CTNNA3: variants seen among roughly 807,000 people sequenced by gnomAD.
CTNNA3 encodes the protein catenin alpha-3.
CTNNA3 carries 76 observed loss-of-function variants against 95.7 expected under a neutral mutation model. That is an observed-to-expected ratio of 0.79 (90% CI 0.66 to 0.96). The LOEUF (loss-of-function observed/expected upper bound fraction) is 0.96, where lower values mean the gene tolerates loss of function less well. CTNNA3 is among the 40% of genes least tolerant of loss of function. CTNNA3 has a pLI of 0.00. For missense variants in CTNNA3, 1,191 were observed against 1,089.8 expected (o/e 1.09, Z -1.31); for synonymous variants, 431 against 374.4 (o/e 1.15, Z -1.74).
chr10:67,016,376 T>G (rs1175460610), intron 7 of CTNNA3, among the ~76,000 whole-genome samples: 1 of 146,796 alleles, frequency 6.8e-6, no homozygotes, highest in Non-Finnish European at 1.5e-5. Flanking sequence ...TCGTTTCTTT[T>G]TGTTTGTTTG....
Position 65,959,325 on chromosome 10 carries a change from G to A in CTNNA3, c.2400+7287C>T, listed in dbSNP as rs541710882. On this transcript the variant is annotated intron_variant, in intron 17 of 17. Coordinates refer to ENST00000433211, the MANE Select transcript of CTNNA3 (RefSeq NM_013266.4). Reference sequence around the variant, plus strand: ...CCTTGGCTAGGAAAGGGAATTCCCCGACCCCTTGTGCTTCCTGGGTGAGGC... The same window carrying A: ...CCTTGGCTAGGAAAGGGAATTCCCCAACCCCTTGTGCTTCCTGGGTGAGGC... Among the ~76,000 whole-genome samples, 20 of 152,194 alleles carry A rather than the reference G, an allele frequency of 1.3e-4. No individual in the cohort carries two copies. The East Asian group carries it at 1.7e-3, about 13-fold the overall frequency.
intron 7 of CTNNA3, among the ~76,000 whole-genome samples, chr10:66,879,565 A>T (rs1205199655): frequency 6.6e-6 from 1 of 152,126 alleles, no homozygotes; most frequent in African/African-American, 2.4e-5. Context: ...AAGAGTATAT[A>T]TAGCACCTGT....
chr10:66,240,447 A>T (rs1474482230), intron 13 of CTNNA3, among the ~76,000 whole-genome samples: 1 of 152,154 alleles, frequency 6.6e-6, no homozygotes, highest in Non-Finnish European at 1.5e-5. Context: ...GACAAAACAA[A>T]TAATAGTCTT....
intron 9 of CTNNA3, among the ~76,000 whole-genome samples, chr10:66,688,806 T>TAA (rs773384742): frequency 6.9e-6 from 1 of 145,334 alleles, no homozygotes; most frequent in African/African-American, 2.6e-5. Context: ...CCGTCTCTAC[T>TAA]AAAAAATACA....
Position 66,480,951 on chromosome 10 carries a change from T to A in CTNNA3, c.1531+39666A>T, listed in dbSNP as rs923547710. On this transcript the variant is annotated intron_variant, in intron 11 of 17. Coordinates refer to ENST00000433211, the MANE Select transcript of CTNNA3 (RefSeq NM_013266.4). Reference sequence around the variant, plus strand: ...ACTTAAGTATTATTGCAGAGGCATGTCATAACCTTTGAATTTCATACTAAT... The same window carrying A: ...ACTTAAGTATTATTGCAGAGGCATGACATAACCTTTGAATTTCATACTAAT... 2.6e-5 allele frequency among the ~76,000 whole-genome samples: 4 copies of A among 152,300 alleles called. No homozygotes were observed. In the East Asian group the frequency reaches 7.7e-4, roughly 29 times the overall value.
At position 66,647,744 on chromosome 10, in the gene CTNNA3, C is replaced by G. The variant is rs537168749; in HGVS notation, c.1282-25960G>C. Among the ~76,000 whole-genome samples, 21 of 151,450 alleles carry G rather than the reference C, an allele frequency of 1.4e-4. 1 individual carries two copies. The highest frequency in any genetic ancestry group is 2.4e-4 in the Non-Finnish European group (16 of 67,942). ...CCTTGTTAGCCAGGATGGTCTCGATCTTCTGACCTCGTGATCCACCCGCCT... is the reference window on the plus strand; with the variant it reads ...CCTTGTTAGCCAGGATGGTCTCGATGTTCTGACCTCGTGATCCACCCGCCT... On this transcript the variant is annotated intron_variant, in intron 9 of 17. Coordinates refer to ENST00000433211, the MANE Select transcript of CTNNA3 (RefSeq NM_013266.4).
intron 5 of CTNNA3, among the ~76,000 whole-genome samples, chr10:67,262,169 T>C (rs1866643836): frequency 6.6e-6 from 1 of 152,200 alleles, no homozygotes; most frequent in African/African-American, 2.4e-5. Context: ...TAATTATTAT[T>C]ATAAGCCACA....
At chr10:66,814,848 A>G (rs1426538586) in intron 7 of CTNNA3, among the ~76,000 whole-genome samples, 1 of 128,226 alleles carries the variant, frequency 7.8e-6, no homozygotes, top group Non-Finnish European at 1.6e-5. Context: ...AAAAGTTAGC[A>G]TTCTTTTTTT....
intron 7 of CTNNA3, among the ~76,000 whole-genome samples, chr10:67,040,220 T>C (rs572514329): frequency 6.6e-6 from 1 of 152,246 alleles, no homozygotes; most frequent in Admixed American, 6.5e-5. Flanking sequence ...GTGTTCTCTG[T>C]GAACTTGACA....
chr10:66,427,918 T>G (rs2093257002), intron 11 of CTNNA3, among the ~76,000 whole-genome samples: 1 of 152,056 alleles, frequency 6.6e-6, no homozygotes, highest in African/African-American at 2.4e-5. Flanking sequence ...ACCTTAAACG[T>G]AAATGGACTA....
intron 9 of CTNNA3, among the ~76,000 whole-genome samples, chr10:66,712,913 T>C (rs1315467445): frequency 6.6e-6 from 1 of 152,170 alleles, no homozygotes; most frequent in Non-Finnish European, 1.5e-5. Context: ...CATATGCCTA[T>C]ACTTATTTCC....
chr10:67,601,159 T>C (rs1843071855), intron 3 of CTNNA3, among the ~76,000 whole-genome samples: 1 of 152,220 alleles, frequency 6.6e-6, no homozygotes, highest in Non-Finnish European at 1.5e-5. Flanking sequence ...GTATATATGT[T>C]ATTCTTCAAT....
chr10:66,510,664 T>A (rs528915132), intron 11 of CTNNA3, among the ~76,000 whole-genome samples: 27 of 151,996 alleles, frequency 1.8e-4, no homozygotes, highest in Middle Eastern at 3.4e-3. Flanking sequence ...GTTTTTAAAA[T>A]TTTATATTGT....
chr10:66,597,010 C>T (rs1225620928), intron 10 of CTNNA3, among the ~76,000 whole-genome samples: 1 of 151,254 alleles, frequency 6.6e-6, no homozygotes, highest in Non-Finnish European at 1.5e-5. Context: ...AAGAACAAGA[C>T]AAATTCAGCA....
chr10:66,664,669 G>T (rs762035735), intron 9 of CTNNA3, among the ~76,000 whole-genome samples: 46 of 151,730 alleles, frequency 3.0e-4, no homozygotes, highest in Non-Finnish European at 4.9e-4. Context: ...ACTCTTCCTG[G>T]TAGGGAGCAG....
At chr10:66,962,724 T>C (rs1224476732) in intron 7 of CTNNA3, among the ~76,000 whole-genome samples, 2 of 152,086 alleles carry the variant, frequency 1.3e-5, no homozygotes, top group African/African-American at 4.8e-5. Context: ...CTCCTCTAAG[T>C]CTTTATTCAA....
intron 5 of CTNNA3, among the ~76,000 whole-genome samples, chr10:67,268,245 T>C (rs780394680): frequency 7.3e-5 from 11 of 151,604 alleles, no homozygotes; most frequent in Non-Finnish European, 1.3e-4. Context: ...GCAGGAGGAT[T>C]GATTGACGCC....
intron 5 of CTNNA3, among the ~76,000 whole-genome samples, chr10:67,232,496 G>C (rs1190009215): frequency 6.6e-6 from 1 of 151,724 alleles, no homozygotes; most frequent in African/African-American, 2.4e-5. Flanking sequence ...TGCCCTAAAA[G>C]AGCTCCTGAA....
intron 14 of CTNNA3, among the ~76,000 whole-genome samples, chr10:66,071,320 C>A (rs968747068): frequency 2.7e-5 from 1 of 36,896 alleles, no homozygotes; most frequent in Non-Finnish European, 6.4e-5. Flanking sequence ...CTTTTTCAAT[C>A]ACTGCCATCT....
Sources: gnomAD v4.1 joint callset for allele counts (sites outside exome capture counted in the v4.1 genomes callset) on GRCh38, gnomAD v4.1.1 for gene constraint, MANE v1.5 for transcripts, NCBI Gene and HGNC (gene_info 2026-07-23, HGNC 2026-07-21) for gene names.